Variants in FUS observed in about 807,000 individuals in gnomAD.
FUS encodes FUS RNA binding protein.
In FUS, 5 loss-of-function variants were observed where a neutral mutation model predicts 82.7. The observed-to-expected ratio is 0.06, with a 90% CI of 0.03 to 0.13. The LOEUF is 0.13. Among genes scored for constraint, FUS ranks in the 10% least tolerant of loss-of-function variants. FUS has a pLI of 1.00. For missense variants in FUS, 512 were observed against 707.8 expected, an observed-to-expected ratio of 0.72 and a Z score of 3.14; for synonymous variants, 281 against 247.4, an observed-to-expected ratio of 1.14 and a Z score of -1.27.
chr16:31,190,650 A>G, intron 12 of FUS, 92 bp from the exon 13 acceptor site: 2 of 1,310,874 alleles, frequency 1.5e-6, no homozygotes, highest in African/African-American at 1.4e-5. Flanking sequence ...CAGTTTCCTC[A>G]CTGTATCTCT....
chr16:31,185,903 C>T (rs900185478), intron 6 of FUS: 1 of 254,298 alleles, frequency 3.9e-6, no homozygotes, highest in Non-Finnish European at 7.8e-6. Flanking sequence ...GATGTTAAAA[C>T]AGTTGTCAAA....
rs755321560 is a variant in FUS at position 31,185,096 on chromosome 16, C to T, written c.681C>T (p.Gly227=). The T allele has an allele frequency of 3.1e-5, 50 of 1,604,836 alleles. No individual in the cohort carries two copies. Among genetic ancestry groups the T allele is most frequent in the Non-Finnish European group, 3.7e-5 (44 of 1,175,854 alleles). The change falls in exon 6 of 15, where the codon GGC becomes GGT. Residue 227 remains glycine, a synonymous_variant. Coordinates refer to ENST00000254108, the MANE Select transcript of FUS (RefSeq NM_004960.4). Reference sequence around the variant, plus strand: ...GTGGCAGTGGTGGCGGCGGCGGCGGCGGCGGTGGTGGTTACAACCGCAGCA... The same window carrying T: ...GTGGCAGTGGTGGCGGCGGCGGCGGTGGCGGTGGTGGTTACAACCGCAGCA... ...GRGGSGGGGG[G]GGGGYNRSSG...
chr16:31,191,943 T>C, downstream of FUS: 1 of 533,464 alleles, frequency 1.9e-6, no homozygotes, highest in East Asian at 3.9e-5. Flanking sequence ...CTTTTGGCCC[T>C]TTTAATGGTG....
chr16:31,192,070 G>A (rs922533907), downstream of FUS: 3 of 532,760 alleles, frequency 5.6e-6, no homozygotes, highest in Middle Eastern at 1.0e-3. Context: ...GCAGGAGTTT[G>A]TGGAGTGGAG....
At chr16:31,188,152 G>A (rs2079298015) in intron 7 of FUS, 173 bp from the exon 8 acceptor site, 3 of 668,350 alleles carry the variant, frequency 4.5e-6, no homozygotes. Flanking sequence ...TTTCTCCTCT[G>A]GGCAGGCGAC....
chr16:31,187,136 G>A, intron 7 of FUS: 1 of 504,606 alleles, frequency 2.0e-6, no homozygotes, highest in Non-Finnish European at 3.6e-6. Flanking sequence ...CCATCATCAT[G>A]AGAAACTGGA....
intron 6 of FUS, chr16:31,186,390 A>G (rs1451864644): frequency 8.6e-6 from 3 of 348,558 alleles, no homozygotes; most frequent in Non-Finnish European, 1.6e-5. Flanking sequence ...AAACCACAAA[A>G]ATGTGTTCAA....
intron 9 of FUS, 71 bp from the exon 10 acceptor site, chr16:31,189,594 C>G: frequency 6.2e-6 from 10 of 1,604,860 alleles, no homozygotes; most frequent in Non-Finnish European, 8.5e-6. Context: ...ACCTCATGTT[C>G]TAGAGGAAGA....
downstream of FUS, chr16:31,193,938 C>T (rs749558213): frequency 1.7e-5 from 9 of 529,648 alleles, no homozygotes; most frequent in East Asian, 7.9e-5. Context: ...TGACCCACTG[C>T]GTTTGGCCAG....
chr16:31,194,077 T>C (rs760414451), downstream of FUS: 12 of 534,400 alleles, frequency 2.2e-5, no homozygotes, highest in South Asian at 1.7e-4. Flanking sequence ...GTAGGTCTGT[T>C]TGTCCCTTCC....
intron 8 of FUS, chr16:31,188,885 T>G: frequency 1.8e-6 from 1 of 556,674 alleles, no homozygotes; most frequent in Non-Finnish European, 3.2e-6. Context: ...TCCTGAGCCC[T>G]GGTTTCCATA....
intron 8 of FUS, 192 bp downstream of exon 8, chr16:31,188,549 G>C: frequency 1.5e-6 from 1 of 668,820 alleles, no homozygotes; most frequent in Non-Finnish European, 2.6e-6. Flanking sequence ...TGGCTTGTGG[G>C]TTCCACCCCC....
chr16:31,184,833 C>G, intron 5 of FUS, 106 bp from the exon 6 acceptor site: 1 of 1,146,534 alleles, frequency 8.7e-7, no homozygotes, highest in Non-Finnish European at 1.3e-6. Flanking sequence ...TTTTTACTTT[C>G]TTTTGTCCTT....
chr16:31,185,387 T>A, intron 6 of FUS: 1 of 641,896 alleles, frequency 1.6e-6, no homozygotes. Flanking sequence ...TCCATACCAC[T>A]GAATAGAGAT....
At chr16:31,193,767 G>C (rs2079389885), downstream of FUS, 1 of 530,824 alleles carries the variant, frequency 1.9e-6, no homozygotes, top group Non-Finnish European at 3.6e-6. Context: ...CAAGTAGCTG[G>C]GACTACAGGT....
At chr16:31,180,954 C>T (rs374958014) in intron 1 of FUS, among the ~76,000 whole-genome samples, 1 of 152,080 alleles carries the variant, frequency 6.6e-6, no homozygotes, top group Non-Finnish European at 1.5e-5. Context: ...CCTCTGTCGC[C>T]CAGGCTGGAG....
At position 31,180,157 on chromosome 16, in the gene FUS, CG is replaced by C; in HGVS notation, c.-56del. ...CGGGGCTGCTCAGTCCTCCAGGCGT[CG>C]GTACTCAGCGGTGTTGGAACTTCGT... On this transcript the variant is annotated 5_prime_UTR_variant, in exon 1 of 15. Transcript: ENST00000254108. 1.3e-6 allele frequency: 2 copies of C among 1,595,412 alleles called. No individual in the cohort carries two copies.
chr16:31,193,829 T>G (rs753512811), downstream of FUS: 1 of 514,004 alleles, frequency 1.9e-6, no homozygotes, highest in South Asian at 1.6e-5. Context: ...CTTTTTTTTT[T>G]TTAAGAAACA....
At chr16:31,181,235 A>G (rs1596886874) in intron 1 of FUS, among the ~76,000 whole-genome samples, 1 of 152,126 alleles carries the variant, frequency 6.6e-6, no homozygotes, top group Non-Finnish European at 1.5e-5. Context: ...TTTTTCTGAG[A>G]TAGGGACGGA....
Sources: allele counts gnomAD v4.1 joint callset (sites outside exome capture counted in the v4.1 genomes callset), GRCh38; gene constraint gnomAD v4.1.1; transcripts MANE v1.5; gene names NCBI Gene and HGNC (gene_info 2026-07-23, HGNC 2026-07-21).